ZFHX3: variants seen among roughly 807,000 people sequenced by gnomAD.
ZFHX3 encodes zinc finger homeobox 3.
In ZFHX3, 42 loss-of-function variants were observed where a neutral mutation model predicts 279.1. The observed-to-expected ratio is 0.15, with a 90% CI of 0.12 to 0.19. The LOEUF (loss-of-function observed/expected upper bound fraction) is 0.19, where lower values mean the gene tolerates loss of function less well. ZFHX3 is among the 10% of genes least tolerant of loss of function. The probability of loss-of-function intolerance (pLI) is 1.00; values close to 1 mark genes in which losing one functional copy is unlikely to be tolerated. For missense variants in ZFHX3, 4,981 were observed against 4,754.0 expected, an observed-to-expected ratio of 1.05 and a Z score of -1.40; for synonymous variants, 2,293 against 1,957.8, an observed-to-expected ratio of 1.17 and a Z score of -4.52.
chr16:73,197,962 G>A (rs1463049888), intron 5 of ZFHX3, among the ~76,000 whole-genome samples: 2 of 105,114 alleles, frequency 1.9e-5, no homozygotes. Flanking sequence ...TTTTGAGATG[G>A]AGTATTGCTC....
rs2035624069 is a variant in ZFHX3 at position 72,789,916 on chromosome 16, T to TACTGACACCAATTCCCAAGAC, written c.9428-1089_9428-1069dup. ...ATGTCAGAAGTGGAATAGCCCAAGA[T>TACTGACACCAATTCCCAAGAC]ACTGACACCAATTCCCAAGACATCA... On this transcript the variant is annotated intron_variant, in intron 9 of 9. Coordinates refer to ENST00000268489, the MANE Select transcript of ZFHX3 (RefSeq NM_006885.4). 2.0e-5 allele frequency: 3 copies of TACTGACACCAATTCCCAAGAC among 152,478 alleles called. No individual in the cohort carries two copies. In the South Asian group the frequency reaches 6.2e-4, roughly 32 times the overall value. The allele number at this position is 152,478 out of a possible 1,614,324, so 9.4% of individuals were successfully genotyped here. A position where few individuals can be genotyped will look rare whatever the true frequency, so the allele number is the denominator to read the frequency against.
intron 5 of ZFHX3, among the ~76,000 whole-genome samples, chr16:73,196,151 T>C (rs1354633860): frequency 2.1e-5 from 1 of 48,426 alleles, no homozygotes; most frequent in Non-Finnish European, 4.8e-5. Flanking sequence ...CTTGAAATAG[T>C]TTTTTTTTTT....
At chr16:73,390,735 A>C (rs1471060786) in intron 3 of ZFHX3, among the ~76,000 whole-genome samples, 1 of 151,928 alleles carries the variant, frequency 6.6e-6, no homozygotes, top group Non-Finnish European at 1.5e-5. Context: ...TGGAGGATGG[A>C]CCCTTTTCTT....
At chr16:72,940,788 A>T (rs1960375128) in intron 3 of ZFHX3, among the ~76,000 whole-genome samples, 1 of 152,244 alleles carries the variant, frequency 6.6e-6, no homozygotes, top group Non-Finnish European at 1.5e-5. Context: ...CCACTCATTA[A>T]CAGGTTACAA....
At chr16:73,356,422 T>C (rs1256148878) in intron 3 of ZFHX3, among the ~76,000 whole-genome samples, 2 of 151,960 alleles carry the variant, frequency 1.3e-5, no homozygotes, top group East Asian at 3.9e-4. Flanking sequence ...AGCAAGACGG[T>C]GATGTTGGCA....
intron 3 of ZFHX3, among the ~76,000 whole-genome samples, chr16:73,451,353 T>C (rs995731291): frequency 3.3e-5 from 5 of 152,218 alleles, no homozygotes; most frequent in Admixed American, 6.5e-5. Flanking sequence ...TCCTTTAGAC[T>C]ACTTGTTACT....
At chr16:73,797,610 C>G (rs1960031030) in intron 1 of ZFHX3, among the ~76,000 whole-genome samples, 1 of 151,956 alleles carries the variant, frequency 6.6e-6, no homozygotes, top group Non-Finnish European at 1.5e-5. Context: ...AATTCAGAAG[C>G]CAACCACGGT....
chr16:73,415,130 T>G (rs1283519286), intron 3 of ZFHX3, among the ~76,000 whole-genome samples: 1 of 152,212 alleles, frequency 6.6e-6, no homozygotes, highest in African/African-American at 2.4e-5. Flanking sequence ...GTTTTTTATT[T>G]TATTTTTTTA....
chr16:73,793,080 T>A (rs911195379), intron 1 of ZFHX3, among the ~76,000 whole-genome samples: 1 of 152,222 alleles, frequency 6.6e-6, no homozygotes, highest in African/African-American at 2.4e-5. Flanking sequence ...TCAGCTTATA[T>A]GAAAATTAAG....
intron 1 of ZFHX3, among the ~76,000 whole-genome samples, chr16:73,716,226 G>A (rs2053413035): frequency 6.6e-6 from 1 of 150,876 alleles, no homozygotes; most frequent in Non-Finnish European, 1.5e-5. Context: ...TAAACTTACA[G>A]AAAAAAAAAA....
At chr16:73,602,808 G>A (rs572028946) in intron 2 of ZFHX3, among the ~76,000 whole-genome samples, 12 of 150,168 alleles carry the variant, frequency 8.0e-5, no homozygotes, top group African/African-American at 2.0e-4. Flanking sequence ...TTAGCCGGTC[G>A]TGGTAGCGGG....
chr16:73,256,635 C>T (rs890476731), intron 5 of ZFHX3, among the ~76,000 whole-genome samples: 2 of 152,190 alleles, frequency 1.3e-5, no homozygotes, highest in Non-Finnish European at 2.9e-5. Flanking sequence ...CAGTGTTTCT[C>T]AGTCTTTGCA....
rs777983994 is a variant in ZFHX3, at chr16:73,379,627, A to G, written c.-1290-61291T>C. On this transcript the variant is annotated intron_variant, in intron 3 of 17. Coordinates refer to the ZFHX3 transcript ENST00000641206. Reference sequence around the variant, plus strand: ...AGAACTCAATGCATGGAAGCTATCAATGTAAGCAGAAAGGAAGAGGACCCT... The same window carrying G: ...AGAACTCAATGCATGGAAGCTATCAGTGTAAGCAGAAAGGAAGAGGACCCT... 2.6e-5 allele frequency among the ~76,000 whole-genome samples: 4 copies of G among 152,200 alleles called. 1 individual carries two copies. The highest frequency in any genetic ancestry group is 4.4e-5 in the Non-Finnish European group (3 of 68,028).
chr16:73,091,651 G>A (rs913931639), intron 8 of ZFHX3, among the ~76,000 whole-genome samples: 1 of 152,176 alleles, frequency 6.6e-6, no homozygotes, highest in East Asian at 1.9e-4. Flanking sequence ...CTTAGTTGTG[G>A]TGAATTGCAT....
chr16:73,659,430 A>T (rs2052756225), intron 2 of ZFHX3, among the ~76,000 whole-genome samples: 1 of 150,520 alleles, frequency 6.6e-6, no homozygotes, highest in Admixed American at 6.7e-5. Context: ...GCCACGTACA[A>T]TTTGGCTCTG....
intron 5 of ZFHX3, among the ~76,000 whole-genome samples, chr16:73,237,596 T>G (rs554412913): frequency 1.4e-5 from 2 of 139,056 alleles, no homozygotes; most frequent in African/African-American, 5.3e-5. Context: ...AGTATTGAAC[T>G]CCTGGCCTCA....
intron 3 of ZFHX3, among the ~76,000 whole-genome samples, chr16:73,364,397 GT>G (rs1240382932): frequency 6.6e-6 from 1 of 150,510 alleles, no homozygotes; most frequent in African/African-American, 2.4e-5. Flanking sequence ...AGTAATAATA[GT>G]TTCTAACAAA....
intron 3 of ZFHX3, among the ~76,000 whole-genome samples, chr16:72,939,989 G>C (rs971431702): frequency 1.3e-5 from 2 of 152,190 alleles, no homozygotes; most frequent in East Asian, 1.9e-4. Flanking sequence ...TGCCCAGGCT[G>C]GTCTTGAACT....
At chr16:73,431,842 G>C (rs1272675725) in intron 3 of ZFHX3, among the ~76,000 whole-genome samples, 1 of 152,132 alleles carries the variant, frequency 6.6e-6, no homozygotes, top group African/African-American at 2.4e-5. Context: ...CACGGGACAA[G>C]CTGGGGTCTC....
Sources: gnomAD v4.1 joint callset for allele counts (sites outside exome capture counted in the v4.1 genomes callset) on GRCh38, gnomAD v4.1.1 for gene constraint, MANE v1.5 for transcripts, NCBI Gene and HGNC (gene_info 2026-07-23, HGNC 2026-07-21) for gene names.